The following TMPRSS15 variants were observed in gnomAD, a reference collection of about 807,000 sequenced individuals.
The protein encoded by TMPRSS15 is enteropeptidase.
Under a neutral mutation model 125.3 loss-of-function variants are expected in TMPRSS15, and 128 were observed. The ratio of observed to expected loss-of-function variants is 1.02; its 90% confidence interval spans 0.89 to 1.18. The LOEUF (loss-of-function observed/expected upper bound fraction) is 1.18, where lower values mean the gene tolerates loss of function less well. Ranked by LOEUF, TMPRSS15 falls within the 50% of genes most tolerant of loss-of-function variation. The pLI is 0.00. For synonymous variants in TMPRSS15, 446 were observed against 423.2 expected (o/e 1.05, Z -0.66); for missense variants, 1,283 against 1,212.7 (o/e 1.06, Z -0.86).
In TMPRSS15 at chr21:18,294,288, G is replaced by A. The variant is rs770587075; in HGVS notation, c.2468C>T (p.Ala823Val). The A allele has an allele frequency of 1.2e-6, 2 of 1,614,196 alleles. No homozygotes were observed. The highest frequency in any genetic ancestry group is 1.7e-6 in the Non-Finnish European group (2 of 1,180,046). The change falls in exon 21 of 25, where the codon GCC (alanine) becomes GTC (valine). Residue 823 changes from alanine to valine, a missense_variant. Transcript: ENST00000284885. ...SLVSSDWLVS[A>V]AHCVYGRNLE... ...CACTCACCCATACACGCAGTGTGCGGCGGACACCAGCCAGTCACTGCTGAC... is the reference window on the plus strand; with the variant it reads ...CACTCACCCATACACGCAGTGTGCGACGGACACCAGCCAGTCACTGCTGAC...
chr21:18,423,677 AAGT>A (rs2076197037), intron 1 of TMPRSS15, among the ~76,000 whole-genome samples: 2 of 151,428 alleles, frequency 1.3e-5, no homozygotes, highest in Admixed American at 6.6e-5. Context: ...CAGCCTCCCA[AAGT>A]GCTGGGATGA....
chr21:18,434,315 CAT>C (rs1316639626), intron 1 of TMPRSS15, among the ~76,000 whole-genome samples: 1 of 152,086 alleles, frequency 6.6e-6, no homozygotes, highest in African/African-American at 2.4e-5. Context: ...TATGTACACA[CAT>C]AAGTATAAAC....
rs143454650 is a variant in TMPRSS15 at position 18,301,156 on chromosome 21, CATAAG to C, written c.2166-3332_2166-3328del. Among the ~76,000 whole-genome samples, 1,061 of 152,162 alleles carry C rather than the reference CATAAG, an allele frequency of 7.0e-3. 8 individuals carry two copies. The highest frequency in any genetic ancestry group is 0.025 in the African/African-American group (1,033 of 41,520). On this transcript the variant is annotated intron_variant, in intron 18 of 24. Transcript: ENST00000284885. ...TTGTACTAAATATTGTTACCAGTAA[CATAAG>C]AGTAGGGTATAGGGCCCTCAGTTCA...
At position 18,419,372 on chromosome 21, in the gene TMPRSS15, C is replaced by G. The variant is rs1053119063; in HGVS notation, c.11-21043G>C. 4.4e-4 allele frequency among the ~76,000 whole-genome samples: 67 copies of G among 151,908 alleles called. 1 individual carries two copies. The highest frequency in any genetic ancestry group is 2.0e-4 in the Admixed American group (3 of 15,236). On this transcript the variant is annotated intron_variant, in intron 1 of 7. Transcript: ENST00000422787. ...TCCTGAGTAGCTGGGACTACAGGCG[C>G]CCGCCACCACGCCCAGCTAATTTTT...
At chr21:18,452,969 C>A (rs1042474791) in intron 1 of TMPRSS15, among the ~76,000 whole-genome samples, 2 of 152,082 alleles carry the variant, frequency 1.3e-5, no homozygotes, top group African/African-American at 2.4e-5. Flanking sequence ...ATAAGATCTA[C>A]CATCTTAACA....
chr21:18,368,260 A>G (rs2075757918), intron 6 of TMPRSS15, among the ~76,000 whole-genome samples: 1 of 152,164 alleles, frequency 6.6e-6, no homozygotes, highest in Non-Finnish European at 1.5e-5. Context: ...GTGATTCATG[A>G]TTTCCAGAAA....
rs1010339210 is a variant in TMPRSS15 at position 18,465,268 on chromosome 21, A to G, written c.10+20531T>C. 3.9e-5 allele frequency among the ~76,000 whole-genome samples: 6 copies of G among 152,324 alleles called. No individual in the cohort carries two copies. The East Asian group carries it at 1.2e-3, about 29-fold the overall frequency. On this transcript the variant is annotated intron_variant, in intron 1 of 7. Coordinates refer to the TMPRSS15 transcript ENST00000422787. The stretch of plus-strand genomic sequence containing the variant: ...TACTGATGGAACGTATCTCAAAATA[A>G]TAAGAGCTATTTATGACAAACCCAC...
chr21:18,347,650 A>T (rs1181183190), intron 10 of TMPRSS15, among the ~76,000 whole-genome samples: 1 of 152,186 alleles, frequency 6.6e-6, no homozygotes, highest in South Asian at 2.1e-4. Context: ...TCTGTTGTTT[A>T]ACATATTTTT....
At chr21:18,484,199 T>G (rs1417658153) in intron 1 of TMPRSS15, among the ~76,000 whole-genome samples, 1 of 151,896 alleles carries the variant, frequency 6.6e-6, no homozygotes, top group Non-Finnish European at 1.5e-5. Flanking sequence ...AAATGTCAAG[T>G]CAGACGATGT....
intron 1 of TMPRSS15, among the ~76,000 whole-genome samples, chr21:18,472,480 T>TATATATATATATATATATATATACAC (rs1491127013): frequency 8.9e-6 from 1 of 112,332 alleles, no homozygotes; most frequent in African/African-American, 3.1e-5. Context: ...TATATATATA[T>TATATATATATATATATATATATACAC]ACACACACAC....
intron 24 of TMPRSS15, among the ~76,000 whole-genome samples, chr21:18,274,290 G>A (rs1209333632): frequency 6.6e-6 from 1 of 152,116 alleles, no homozygotes; most frequent in Admixed American, 6.6e-5. Flanking sequence ...TCACCAATAA[G>A]TGTTAAAGCC....
At position 18,483,946 on chromosome 21, in the gene TMPRSS15, C is replaced by A. The variant is rs981268501; in HGVS notation, c.10+1853G>T. ...ACACCTAAACAACAGATTAACTGAT[C>A]TTGTTTAGTAATCCTTATTTTTTAT... On this transcript the variant is annotated intron_variant, in intron 1 of 7. Coordinates refer to the TMPRSS15 transcript ENST00000422787. Among the ~76,000 whole-genome samples, 3 of 151,820 alleles carry A rather than the reference C, an allele frequency of 2.0e-5. No individual in the cohort carries two copies. The Admixed American group carries it at 2.0e-4, about 10-fold the overall frequency.
At chr21:18,291,653 C>T (rs977412475) in intron 21 of TMPRSS15, among the ~76,000 whole-genome samples, 8 of 152,112 alleles carry the variant, frequency 5.3e-5, no homozygotes, top group Non-Finnish European at 7.3e-5. Flanking sequence ...TATTAACATA[C>T]TGATAAAACA....
chr21:18,398,068 T>C (rs1336830747), intron 2 of TMPRSS15, 122 bp from the exon 3 acceptor site: 7 of 1,260,016 alleles, frequency 5.6e-6, no homozygotes, highest in Non-Finnish European at 8.0e-6. Context: ...TCCATAGTAA[T>C]GGGGCTCATA....
chr21:18,336,219 A>G (rs549124897), intron 13 of TMPRSS15, among the ~76,000 whole-genome samples: 36 of 152,272 alleles, frequency 2.4e-4, no homozygotes, highest in African/African-American at 8.2e-4. Context: ...GTTTTAATTA[A>G]AGATATTTAT....
At chr21:18,392,217 C>T (rs1312668366) in intron 3 of TMPRSS15, among the ~76,000 whole-genome samples, 1 of 152,138 alleles carries the variant, frequency 6.6e-6, no homozygotes, top group African/African-American at 2.4e-5. Context: ...TCAATTTGTC[C>T]CCAGGAAATG....
chr21:18,377,086 G>T (rs192638650), intron 5 of TMPRSS15, among the ~76,000 whole-genome samples: 402 of 152,092 alleles, frequency 2.6e-3, no homozygotes, highest in Non-Finnish European at 3.6e-3. Context: ...GTATCTTGCC[G>T]TATGAGAGGA....
rs1317724172 is a variant in TMPRSS15, at chr21:18,269,988, A to G, written c.3041T>C (p.Ile1014Thr). The change falls in exon 25 of 25, where the codon ATA (isoleucine) becomes ACA (threonine). Residue 1014 changes from isoleucine to threonine, a missense_variant. By Grantham distance (89) the Ile-to-Thr change is moderately conservative (BLOSUM62 -1). Transcript: ENST00000284885. The stretch of plus-strand genomic sequence containing the variant: ...AATGCGCTAATGTAGAAAACTTTGT[A>G]TCCATTCGGTAAACCTTGAGACCCT... ...YARVSRFTEW[I>T]QSFLH 1 of 1,613,918 alleles carries G rather than the reference A, an allele frequency of 6.2e-7. No individual in the cohort carries two copies. The highest frequency in any genetic ancestry group is 2.2e-5 in the East Asian group (1 of 44,864).
chr21:18,432,130 T>C (rs1264284768), intron 1 of TMPRSS15, among the ~76,000 whole-genome samples: 3 of 152,174 alleles, frequency 2.0e-5, no homozygotes, highest in Admixed American at 2.0e-4. Flanking sequence ...TCCCTTCATA[T>C]AAAGTATTCT....
Sources: allele counts gnomAD v4.1 joint callset (sites outside exome capture counted in the v4.1 genomes callset), GRCh38; gene constraint gnomAD v4.1.1; transcripts MANE v1.5; gene names NCBI Gene and HGNC (gene_info 2026-07-23, HGNC 2026-07-21).